Variants in PRKG1 observed in about 807,000 individuals in gnomAD.
The protein encoded by PRKG1 is cGMP-dependent protein kinase 1.
A neutral mutation model predicts 88.1 loss-of-function variants in PRKG1; 35 were observed. The ratio of observed to expected loss-of-function variants is 0.40; its 90% CI spans 0.30 to 0.53. The LOEUF is 0.53. Among genes scored for constraint, PRKG1 ranks in the 20% least tolerant of loss-of-function variants. The probability of loss-of-function intolerance (pLI) is 0.59; values close to 1 mark genes in which losing one functional copy is unlikely to be tolerated. For missense variants in PRKG1, 540 were observed against 839.8 expected, an observed-to-expected ratio of 0.64 and a Z score of 4.41; for synonymous variants, 303 against 292.5, an observed-to-expected ratio of 1.04 and a Z score of -0.37.
At chr10:51,813,806 T>A (rs572404021) in intron 4 of PRKG1, among the ~76,000 whole-genome samples, 1 of 152,264 alleles carries the variant, frequency 6.6e-6, no homozygotes, top group East Asian at 1.9e-4. Context: ...CTATTCACCA[T>A]ATTTTTCTCT....
At chr10:52,035,511 A>T (rs544382933) in intron 5 of PRKG1, among the ~76,000 whole-genome samples, 76 of 152,346 alleles carry the variant, frequency 5.0e-4, no homozygotes, top group African/African-American at 1.7e-3. Flanking sequence ...GGAACCGCCA[A>T]CAATAAATCA....
At chr10:52,103,857 TAAGTC>T (rs1412146893) in intron 7 of PRKG1, among the ~76,000 whole-genome samples, 4 of 151,872 alleles carry the variant, frequency 2.6e-5, no homozygotes, top group Non-Finnish European at 1.5e-5. Flanking sequence ...AGTCAACAGT[TAAGTC>T]AATAAGATAC....
rs113550332 is a variant in PRKG1, at chr10:51,870,313, A to G, written c.699-37194A>G. Among the ~76,000 whole-genome samples, 980 of 152,220 alleles carry G rather than the reference A, an allele frequency of 6.4e-3. 10 individuals are homozygous for G. Among genetic ancestry groups the G allele is most frequent in the African/African-American group, 0.02 (822 of 41,540 alleles). ...GATGATCAGGAATTAAAATTTCTTT[A>G]TAAAAGACGTCTTGTTCCTCCAGTG... On this transcript the variant is annotated intron_variant, in intron 4 of 17. Coordinates refer to ENST00000373980, the MANE Select transcript of PRKG1 (RefSeq NM_006258.4).
At chr10:52,198,469 GAAGAAA>G (rs1277891857) in intron 9 of PRKG1, among the ~76,000 whole-genome samples, 1 of 152,090 alleles carries the variant, frequency 6.6e-6, no homozygotes, top group Non-Finnish European at 1.5e-5. Flanking sequence ...CTTCAGGAAG[GAAGAAA>G]CAATGAGCAA....
intron 4 of PRKG1, among the ~76,000 whole-genome samples, chr10:51,884,223 G>C (rs1841506377): frequency 2.0e-5 from 3 of 150,604 alleles, no homozygotes; most frequent in Admixed American, 2.0e-4. Context: ...GAGACGGGCA[G>C]ATCACGAGGT....
chr10:51,825,496 G>C (rs1212067651), intron 4 of PRKG1, among the ~76,000 whole-genome samples: 1 of 152,080 alleles, frequency 6.6e-6, no homozygotes, highest in Non-Finnish European at 1.5e-5. Context: ...AGGGACAAGA[G>C]CACTGTAGGC....
At chr10:51,005,589 A>G (rs11818494) in intron 1 of PRKG1, among the ~76,000 whole-genome samples, 3,598 of 152,348 alleles carry the variant, frequency 0.024, 78 homozygotes, top group African/African-American at 0.055. Flanking sequence ...TCTGGTTTGC[A>G]GATCACAAAA....
intron 3 of PRKG1, among the ~76,000 whole-genome samples, chr10:51,479,270 A>G (rs1382247075): frequency 6.6e-6 from 1 of 152,088 alleles, no homozygotes; most frequent in Non-Finnish European, 1.5e-5. Flanking sequence ...ATGTGTTTAT[A>G]AAATACATAC....
At chr10:51,726,942 C>A (rs1217612025) in intron 3 of PRKG1, among the ~76,000 whole-genome samples, 1 of 147,414 alleles carries the variant, frequency 6.8e-6, no homozygotes, top group African/African-American at 2.6e-5. Context: ...ACACCCAGCT[C>A]ATTTTTTTTT....
At chr10:51,906,116 C>A (rs1462533654) in intron 4 of PRKG1, among the ~76,000 whole-genome samples, 1 of 152,156 alleles carries the variant, frequency 6.6e-6, no homozygotes, top group Non-Finnish European at 1.5e-5. Flanking sequence ...AATGCATCAT[C>A]AATCAACCTG....
intron 5 of PRKG1, among the ~76,000 whole-genome samples, chr10:52,008,129 T>C (rs1253159735): frequency 6.6e-6 from 1 of 152,090 alleles, no homozygotes; most frequent in Admixed American, 6.6e-5. Flanking sequence ...GCTAAATCAG[T>C]ATTAAGAGAG....
intron 7 of PRKG1, among the ~76,000 whole-genome samples, chr10:52,073,169 T>G (rs1846544181): frequency 6.6e-6 from 1 of 152,204 alleles, no homozygotes. Flanking sequence ...CCTCTGCGTG[T>G]GCCTCTGTAT....
chr10:51,554,063 A>G lies in PRKG1; in HGVS notation c.592+86227A>G, dbSNP rs1837230199. Among the ~76,000 whole-genome samples, 2 of 128,226 alleles carry G rather than the reference A, an allele frequency of 1.6e-5. 1 individual carries two copies. Among genetic ancestry groups the G allele is most frequent in the South Asian group, 4.7e-4 (2 of 4,264 alleles). The allele number at this position is 128,226 out of a possible 152,430, so 84.1% of individuals were successfully genotyped here. On this transcript the variant is annotated intron_variant, in intron 3 of 17. Transcript: ENST00000373980. ...TTATATGTGCGTATGTGATACGTGTATATATTATATGTGCGTATGTGATAC... is the reference window on the plus strand; with the variant it reads ...TTATATGTGCGTATGTGATACGTGTGTATATTATATGTGCGTATGTGATAC...
intron 1 of PRKG1, among the ~76,000 whole-genome samples, chr10:51,129,465 A>G (rs1447360949): frequency 2.2e-5 from 3 of 136,954 alleles, no homozygotes; most frequent in East Asian, 4.1e-4. Flanking sequence ...ATAAACAAAG[A>G]AAAAAAAAAA....
chr10:51,955,426 C>T (rs1467476880), intron 5 of PRKG1, among the ~76,000 whole-genome samples: 1 of 152,014 alleles, frequency 6.6e-6, no homozygotes, highest in Non-Finnish European at 1.5e-5. Context: ...TTCATATGTA[C>T]TATACTTTTA....
intron 4 of PRKG1, among the ~76,000 whole-genome samples, chr10:51,817,347 A>ACCCCCCCCCCCCC (rs367740899): frequency 7.7e-5 from 10 of 129,586 alleles, no homozygotes; most frequent in Admixed American, 3.4e-4. Context: ...TCCCTCCCCA[A>ACCCCCCCCCCCCC]CCCCCCCCCT....
At chr10:51,101,548 T>C (rs1433168076) in intron 1 of PRKG1, among the ~76,000 whole-genome samples, 1 of 152,200 alleles carries the variant, frequency 6.6e-6, no homozygotes, top group Non-Finnish European at 1.5e-5. Flanking sequence ...GCTAAAATCC[T>C]ATCATTTTAG....
intron 3 of PRKG1, among the ~76,000 whole-genome samples, chr10:51,668,859 A>G (rs1256177616): frequency 6.6e-6 from 1 of 152,180 alleles, no homozygotes; most frequent in African/African-American, 2.4e-5. Flanking sequence ...TATTAGTTGT[A>G]TTTATTTCTT....
At chr10:52,244,491 G>A (rs1840952067) in intron 9 of PRKG1, among the ~76,000 whole-genome samples, 1 of 148,392 alleles carries the variant, frequency 6.7e-6, no homozygotes, top group Non-Finnish European at 1.5e-5. Context: ...GAGGGAATAA[G>A]GACATGTATC....
Sources: gnomAD v4.1 joint callset for allele counts (sites outside exome capture counted in the v4.1 genomes callset) on GRCh38, gnomAD v4.1.1 for gene constraint, MANE v1.5 for transcripts, NCBI Gene and HGNC (gene_info 2026-07-23, HGNC 2026-07-21) for gene names.